Variants in PRR14 observed in about 807,000 individuals in gnomAD.
The protein encoded by PRR14 is proline rich 14.
Under a neutral mutation model 57.2 loss-of-function variants are expected in PRR14, and 33 were observed. That is an observed-to-expected ratio of 0.58 (90% confidence interval 0.44 to 0.77). The LOEUF is 0.77. Among genes scored for constraint, PRR14 ranks in the 30% least tolerant of loss-of-function variants. The pLI, the probability that PRR14 is intolerant of heterozygous loss-of-function variation, is 0.00. For missense variants in PRR14, 716 were observed against 788.1 expected (o/e 0.91, Z 1.10); for synonymous variants, 303 against 314.7 (o/e 0.96, Z 0.39).
rs953148043 is a variant in PRR14 at position 30,656,370 on chromosome 16, T to C, written c.*59T>C. On this transcript the variant is annotated 3_prime_UTR_variant, in exon 12 of 12. Transcript: ENST00000300835. The stretch of plus-strand genomic sequence containing the variant: ...ACAGGAAACCTCCCAGGCAGTTATT[T>C]TTTTTTCTCTATATTTCTAGTAAAG... 2.1e-5 allele frequency: 31 copies of C among 1,483,306 alleles called. No individual in the cohort carries two copies. The African/African-American group carries it at 4.1e-4, about 20-fold the overall frequency. The allele number at this position is 1,483,306 out of a possible 1,614,324, so 91.9% of individuals were successfully genotyped here.
rs1206385913 is a variant in PRR14 at position 30,651,534 on chromosome 16, G to T, written c.-50-62G>T. The T allele has an allele frequency of 5.4e-6, 4 of 735,482 alleles. No individual in the cohort carries two copies. The highest frequency in any genetic ancestry group is 8.3e-6 in the Non-Finnish European group (4 of 480,470). The allele number at this position is 735,482 out of a possible 1,614,324, so 45.6% of individuals were successfully genotyped here. A position where few individuals can be genotyped will look rare whatever the true frequency, so the allele number is the denominator to read the frequency against. ...GGGAGCCGCGGGCGGACCATGAAGGGCGGAGCCCCAGGGAAGGGGCCGGCC... is the reference window on the plus strand; with the variant it reads ...GGGAGCCGCGGGCGGACCATGAAGGTCGGAGCCCCAGGGAAGGGGCCGGCC... On this transcript the variant is annotated intron_variant, in intron 1 of 11. Transcript: ENST00000300835. This position sits in a 1 kb window ranked among gnomAD's most constrained non-coding sequence, Gnocchi z 5.0.
Position 30,655,259 on chromosome 16 carries a change from T to G in PRR14, c.1244+45T>G. 1 of 1,597,926 alleles carries G rather than the reference T, an allele frequency of 6.3e-7. No homozygotes were observed. Among genetic ancestry groups the G allele is most frequent in the Non-Finnish European group, 8.6e-7 (1 of 1,168,290 alleles). On this transcript the variant is annotated intron_variant, in intron 8 of 11. Transcript: ENST00000300835. The surrounding 1 kb of genome is among the most constrained non-coding windows in gnomAD (Gnocchi z 4.6). ...CCCTTGAAGCCTGGCTGCAGCCTGG[T>G]CCCAGCCTCCTTCCCTGAGTATCCA...
chr16:30,651,495 G>C lies in PRR14; in HGVS notation c.-50-101G>C. On this transcript the variant is annotated intron_variant, in intron 1 of 11. Coordinates refer to ENST00000300835, the MANE Select transcript of PRR14 (RefSeq NM_024031.5). This position sits in a 1 kb window ranked among gnomAD's most constrained non-coding sequence, Gnocchi z 5.0. ...CGCCCTTTCGCGCCCCAGGGCTGCG[G>C]CCGCTGGGCTACGGGGAGCCGCGGG... is the stretch of plus-strand genomic sequence containing the variant. The C allele has an allele frequency of 1.8e-6, 1 of 546,964 alleles. No homozygotes were observed. The highest frequency in any genetic ancestry group is 3.1e-6 in the Non-Finnish European group (1 of 325,726). 33.9% of individuals were successfully genotyped at this position (546,964 alleles called of 1,614,324 possible).
chr16:30,652,506 G>A (rs986648255), intron 3 of PRR14: 73 of 629,760 alleles, frequency 1.2e-4, no homozygotes, highest in African/African-American at 1.1e-3. Flanking sequence ...TCTAAACAGC[G>A]TGGATGAGAT....
chr16:30,652,141 A>T (rs2052319885), intron 3 of PRR14, 177 bp downstream of exon 3: 1 of 712,972 alleles, frequency 1.4e-6, no homozygotes, highest in Non-Finnish European at 2.3e-6. Flanking sequence ...CCAACCTAGA[A>T]TTGGGCAGTG....
rs764430404 is a variant in PRR14, at chr16:30,651,029, T to C, written c.-149T>C. 4.4e-6 allele frequency: 2 copies of C among 456,288 alleles called. No homozygotes were observed. Among genetic ancestry groups the C allele is most frequent in the African/African-American group, 2.0e-5 (1 of 50,046 alleles). The allele number at this position is 456,288 out of a possible 1,614,324, so 28.3% of individuals were successfully genotyped here. On this transcript the variant is annotated 5_prime_UTR_variant, in exon 1 of 12. Transcript: ENST00000300835. The surrounding 1 kb of genome is among the most constrained non-coding windows in gnomAD (Gnocchi z 5.0). ...GGATCTACGCTGAGTTCGGAGATGCTCCAGCTCGGGCCGCCCCTGTCTGAG... is the reference window on the plus strand; with the variant it reads ...GGATCTACGCTGAGTTCGGAGATGCCCCAGCTCGGGCCGCCCCTGTCTGAG...
Position 30,651,319 on chromosome 16 carries a change from A to C in PRR14, c.-51+192A>C. ...CGGGGGATCTCGGGGCATAATCTGCAGGGACAAAGGCCTCGGGAGGCTCGG... is the reference window on the plus strand; with the variant it reads ...CGGGGGATCTCGGGGCATAATCTGCCGGGACAAAGGCCTCGGGAGGCTCGG... On this transcript the variant is annotated intron_variant, in intron 1 of 11. Coordinates refer to ENST00000300835, the MANE Select transcript of PRR14 (RefSeq NM_024031.5). This position sits in a 1 kb window ranked among gnomAD's most constrained non-coding sequence, Gnocchi z 5.0. The C allele has an allele frequency of 2.5e-6, 1 of 392,924 alleles. No homozygotes were observed. Among genetic ancestry groups the C allele is most frequent in the Non-Finnish European group, 4.8e-6 (1 of 209,714 alleles). 24.3% of individuals were successfully genotyped at this position (392,924 alleles called of 1,614,324 possible).
In PRR14 at chr16:30,653,250, A is replaced by G. The variant is rs893022945; in HGVS notation, c.505-115A>G. The G allele has an allele frequency of 2.1e-5, 30 of 1,410,280 alleles. No homozygotes were observed. In the South Asian group the frequency reaches 3.1e-4, roughly 15 times the overall value. The allele number at this position is 1,410,280 out of a possible 1,614,324, so 87.4% of individuals were successfully genotyped here. Reference sequence around the variant, plus strand: ...CAGACACTGCCTGAGCAAAGACTATATAAAAACGTCTTTGGCGTGAACCCA... The same window carrying G: ...CAGACACTGCCTGAGCAAAGACTATGTAAAAACGTCTTTGGCGTGAACCCA... On this transcript the variant is annotated intron_variant, in intron 5 of 11. Coordinates refer to ENST00000300835, the MANE Select transcript of PRR14 (RefSeq NM_024031.5).
intron 5 of PRR14, 35 bp from the exon 6 acceptor site, chr16:30,653,330 C>T (rs1289125225): frequency 1.2e-6 from 2 of 1,610,820 alleles, no homozygotes; most frequent in African/African-American, 1.3e-5. Context: ...GGGGGCTTTC[C>T]TGCCTCCCCA....
intron 3 of PRR14, 166 bp from the exon 4 acceptor site, chr16:30,652,555 T>A (rs2052323987): frequency 1.3e-6 from 1 of 792,760 alleles, no homozygotes; most frequent in African/African-American, 1.7e-5. Flanking sequence ...ACTCTTAATA[T>A]CTGGCCCCTA....
chr16:30,652,009 C>T (rs2052318777), intron 3 of PRR14, 45 bp downstream of exon 3: 1 of 1,510,494 alleles, frequency 6.6e-7, no homozygotes, highest in South Asian at 1.3e-5. Flanking sequence ...CCATGACTTT[C>T]CTCACTACCA....
At chr16:30,652,547 T>A in intron 3 of PRR14, 174 bp from the exon 4 acceptor site, 1 of 746,372 alleles carries the variant, frequency 1.3e-6, no homozygotes, top group Non-Finnish European at 2.2e-6. Flanking sequence ...AGTTTAGGAC[T>A]CTTAATATCT....
Position 30,656,306 on chromosome 16 carries a change from A to T in PRR14, c.1753A>T (p.Thr585Ser). 6.2e-7 allele frequency: 1 copy of T among 1,610,500 alleles called. No homozygotes were observed. Among genetic ancestry groups the T allele is most frequent in the Non-Finnish European group, 8.5e-7 (1 of 1,179,428 alleles). Residue 585 changes from threonine (T) to serine (S), a missense_variant, in exon 12 of 12, where the codon ACC becomes TCC. By Grantham distance (58) the Thr-to-Ser change is moderately conservative. Coordinates refer to ENST00000300835, the MANE Select transcript of PRR14 (RefSeq NM_024031.5). ...ETVDREQPHW[T>S] ...AGTAGATCGGGAGCAGCCCCACTGG[A>T]CCTAGGTGCCCCATCTGTTGGTCAT...
At chr16:30,653,274 C>A in intron 5 of PRR14, 91 bp from the exon 6 acceptor site, 2 of 1,481,646 alleles carry the variant, frequency 1.3e-6, no homozygotes, top group East Asian at 2.3e-5. Flanking sequence ...GGCGTGAACC[C>A]AAGCAGCTAT....
rs370742997 is a variant in PRR14 at position 30,655,383 on chromosome 16, C to G, written c.1277C>G (p.Ala426Gly). 1 of 1,614,064 alleles carries G rather than the reference C, an allele frequency of 6.2e-7. No homozygotes were observed. ...LGSTKGKEPRASKDQVLSEPE... is the reference protein window; with the variant it reads ...LGSTKGKEPRGSKDQVLSEPE... ...TCAACCAAAGGGAAGGAGCCAAGAG[C>G]CTCAAAGGACCAGGTGCTTTCAGAA... Residue 426 changes from alanine to glycine, a missense_variant, in exon 9 of 12, where the codon GCC (alanine) becomes GGC (glycine). Physicochemically the swap from Ala to Gly is moderately conservative, Grantham distance 60. Transcript: ENST00000300835. The surrounding 1 kb of genome is among the most constrained non-coding windows in gnomAD (Gnocchi z 4.6).
chr16:30,656,364 GTTA>G lies in PRR14; in HGVS notation c.*56_*58del. The G allele has an allele frequency of 6.6e-7, 1 of 1,508,830 alleles. No homozygotes were observed. Among genetic ancestry groups the G allele is most frequent in the South Asian group, 1.2e-5 (1 of 80,150 alleles). The allele number at this position is 1,508,830 out of a possible 1,614,324, so 93.5% of individuals were successfully genotyped here. On this transcript the variant is annotated 3_prime_UTR_variant, in exon 12 of 12. Transcript: ENST00000300835. ...GAAGGGACAGGAAACCTCCCAGGCA[GTTA>G]TTTTTTTTTCTCTATATTTCTAGTA...
rs777445796 is a variant in PRR14 at position 30,655,987 on chromosome 16, G to C, written c.1479-45G>C. 3.3e-5 allele frequency: 53 copies of C among 1,604,840 alleles called. No homozygotes were observed. Among genetic ancestry groups the C allele is most frequent in the Non-Finnish European group, 4.5e-5 (53 of 1,175,316 alleles). Reference sequence around the variant, plus strand: ...GGGTGGCAGAGGGAAATCTGGAGCTGTGGAGCACCCTGATAAAACCAGCTC... The same window carrying C: ...GGGTGGCAGAGGGAAATCTGGAGCTCTGGAGCACCCTGATAAAACCAGCTC... On this transcript the variant is annotated intron_variant, in intron 11 of 11. Coordinates refer to ENST00000300835, the MANE Select transcript of PRR14 (RefSeq NM_024031.5). The surrounding 1 kb of genome is among the most constrained non-coding windows in gnomAD (Gnocchi z 4.6).
rs1369264818 is a variant in PRR14, at chr16:30,651,245, G to A, written c.-51+118G>A. 6.0e-6 allele frequency: 2 copies of A among 334,538 alleles called. No homozygotes were observed. Among genetic ancestry groups the A allele is most frequent in the Non-Finnish European group, 1.2e-5 (2 of 165,414 alleles). The allele number at this position is 334,538 out of a possible 1,614,324, so 20.7% of individuals were successfully genotyped here. A position where few individuals can be genotyped will look rare whatever the true frequency, so the allele number is the denominator to read the frequency against. On this transcript the variant is annotated intron_variant, in intron 1 of 11. Coordinates refer to ENST00000300835, the MANE Select transcript of PRR14 (RefSeq NM_024031.5). This position sits in a 1 kb window ranked among gnomAD's most constrained non-coding sequence, Gnocchi z 5.0. ...TCGCTGGGAGAGGAGGAGGATCGCA[G>A]AGGGATCCAGCGGAAATAGCCTCCC...
At position 30,656,219 on chromosome 16, in the gene PRR14, G is replaced by A. The variant is rs753786364; in HGVS notation, c.1666G>A (p.Val556Met). 1.2e-6 allele frequency: 2 copies of A among 1,613,482 alleles called. No individual in the cohort carries two copies. The highest frequency in any genetic ancestry group is 2.7e-5 in the African/African-American group (2 of 74,894). ...VPPNVAPSPD[V>M]GPLLQQRLEE... ...TCCCAATGTGGCCCCCAGCCCTGAT[G>A]TGGGCCCCCTGCTCCAGCAGCGGCT... The change falls in exon 12 of 12, where the codon GTG becomes ATG. Residue 556 changes from valine (V) to methionine (M), a missense_variant. By Grantham distance (21) the Val-to-Met change is conservative (BLOSUM62 1). Transcript: ENST00000300835.
Sources: gnomAD v4.1 joint callset for allele counts on GRCh38, gnomAD v4.1.1 for gene constraint, Gnocchi (gnomAD v3.1) non-coding constraint, MANE v1.5 for transcripts, NCBI Gene and HGNC (gene_info 2026-07-23, HGNC 2026-07-21) for gene names.